The following JSRP1 variants were observed in gnomAD, a reference collection of about 807,000 sequenced individuals.
JSRP1 encodes 2310032K21Rik.
A neutral mutation model predicts 21.4 loss-of-function variants in JSRP1; 29 were observed. The observed-to-expected ratio is 1.36, with a 90% confidence interval of 1.01 to 1.85. The LOEUF is 1.85. JSRP1 is among the 40% of genes most tolerant of loss of function. The pLI, the probability that JSRP1 is intolerant of heterozygous loss-of-function variation, is 0.00. For synonymous variants in JSRP1, 221 were observed against 206.1 expected (o/e 1.07, Z -0.62); for missense variants, 531 against 461.5 (o/e 1.15, Z -1.38).
intron 1 of JSRP1, 85 bp from the exon 2 acceptor site, chr19:2,255,429 A>G: frequency 5.2e-6 from 3 of 577,748 alleles, no homozygotes; most frequent in Non-Finnish European, 9.0e-6. Context: ...GCGGACACCA[A>G]CTAACAGGCC....
At position 2,255,308 on chromosome 19, in the gene JSRP1, T is replaced by G. The variant is rs774783105; in HGVS notation, c.7A>C (p.Met3Leu). 2 of 1,607,512 alleles carry G rather than the reference T, an allele frequency of 1.2e-6. No homozygotes were observed. Among genetic ancestry groups the G allele is most frequent in the Admixed American group, 1.7e-5 (1 of 59,604 alleles). ...AGCTCCTCCCAGGCTCTGGTTGTCA[T>G]GGACATGGCTGGAGCAGCAGCAGGT... MS[M>L]TTRAWEELDG... The change falls in exon 2 of 7, where the codon ATG (methionine) becomes CTG (leucine). Residue 3 changes from methionine to leucine, a missense_variant. Coordinates refer to ENST00000300961, the MANE Select transcript of JSRP1 (RefSeq NM_144616.4).
intron 3 of JSRP1, 55 bp from the exon 4 acceptor site, chr19:2,254,356 G>A (rs1366656710): frequency 8.1e-6 from 13 of 1,598,638 alleles, no homozygotes; most frequent in Non-Finnish European, 1.1e-5. Context: ...AACCCTTCCC[G>A]TGGGCTTTAG....
rs1400873651 is a variant in JSRP1, at chr19:2,252,921, C to G, written c.519G>C (p.Ser173=). The G allele has an allele frequency of 1.2e-6, 2 of 1,609,296 alleles. No homozygotes were observed. Among genetic ancestry groups the G allele is most frequent in the Non-Finnish European group, 1.7e-6 (2 of 1,178,108 alleles). Residue 173 remains serine, a synonymous_variant, in exon 6 of 7, where the codon TCG becomes TCC. Transcript: ENST00000300961. ...GGAAGGAAGCTCTTACCAGGGGCGA[C>G]GATGGCTCCCTCGGGGCTGAGCTTG... ...VPPSSAPREP[S]SPLPKFEAQA...
chr19:2,254,345 A>G, intron 3 of JSRP1, 44 bp from the exon 4 acceptor site: 1 of 1,599,434 alleles, frequency 6.3e-7, no homozygotes, highest in East Asian at 2.2e-5. Flanking sequence ...TTCCAGTGCC[A>G]AACCCTTCCC....
In JSRP1 at chr19:2,252,363, C is replaced by T. The variant is rs766149705; in HGVS notation, c.962G>A (p.Arg321His). Reference sequence around the variant, plus strand: ...CCCCTTGCCTGCGCGGAGCTTCTGGCGACTCCCAGGCCGCTGCTCCTCGTC... The same window carrying T: ...CCCCTTGCCTGCGCGGAGCTTCTGGTGACTCCCAGGCCGCTGCTCCTCGTC... The part of the protein sequence containing the change: ...RPDEEQRPGS[R>H]QKLRAGKGRD Residue 321 changes from arginine to histidine, a missense_variant, in exon 7 of 7, where the codon CGC becomes CAC. Coordinates refer to ENST00000300961, the MANE Select transcript of JSRP1 (RefSeq NM_144616.4). 2.6e-6 allele frequency: 4 copies of T among 1,554,170 alleles called. No homozygotes were observed. Among genetic ancestry groups the T allele is most frequent in the Admixed American group, 3.8e-5 (2 of 51,992 alleles).
intron 5 of JSRP1, 84 bp from the exon 6 acceptor site, chr19:2,253,087 C>G (rs1476687736): frequency 2.6e-5 from 25 of 956,830 alleles, no homozygotes; most frequent in Non-Finnish European, 1.6e-6. Context: ...CTAGAGCCCC[C>G]CTCCCTGGAC....
chr19:2,253,723 CG>C lies in JSRP1; in HGVS notation c.332del (p.Pro111ArgfsTer3). On this transcript the variant is annotated frameshift_variant, in exon 5 of 7. Transcript: ENST00000300961. LOFTEE classifies it high-confidence loss of function. ...APPLQPPPPP[P>X]ALSEELPWGD... Reference sequence around the variant, plus strand: ...CCCAGGGCAGCTCCTCGCTCAGGGCCGGGGGCGGCGGCGGCGGCTGCAGGGG... The same window carrying C: ...CCCAGGGCAGCTCCTCGCTCAGGGCCGGGGCGGCGGCGGCGGCTGCAGGGG... 15 of 1,491,250 alleles carry C rather than the reference CG, an allele frequency of 1.0e-5. No individual in the cohort carries two copies. The highest frequency in any genetic ancestry group is 6.8e-5 in the Admixed American group (3 of 44,426). The allele number at this position is 1,491,250 out of a possible 1,614,324, so 92.4% of individuals were successfully genotyped here. A position where few individuals can be genotyped will look rare whatever the true frequency, so the allele number is the denominator to read the frequency against.
chr19:2,255,076 T>A, intron 2 of JSRP1, 130 bp downstream of exon 2: 3 of 540,518 alleles, frequency 5.6e-6, no homozygotes, highest in Non-Finnish European at 9.7e-6. Context: ...GGCCAGGGGT[T>A]GAACATGGGG....
At position 2,253,693 on chromosome 19, in the gene JSRP1, G is replaced by A. The variant is rs1417371004; in HGVS notation, c.363C>T (p.Asp121=). 1 of 1,510,862 alleles carries A rather than the reference G, an allele frequency of 6.6e-7. No individual in the cohort carries two copies. Among genetic ancestry groups the A allele is most frequent in the South Asian group, 1.2e-5 (1 of 81,380 alleles). The allele number at this position is 1,510,862 out of a possible 1,614,324, so 93.6% of individuals were successfully genotyped here. A position where few individuals can be genotyped will look rare whatever the true frequency, so the allele number is the denominator to read the frequency against. The change falls in exon 5 of 7, where the codon GAC becomes GAT. Residue 121 remains aspartate, a synonymous_variant. Coordinates refer to ENST00000300961, the MANE Select transcript of JSRP1 (RefSeq NM_144616.4). ...PALSEELPWG[D]LSLNKCLVLA... Reference sequence around the variant, plus strand: ...GCACCAGGCACTTGTTGAGCGACAGGTCTCCCCAGGGCAGCTCCTCGCTCA... The same window carrying A: ...GCACCAGGCACTTGTTGAGCGACAGATCTCCCCAGGGCAGCTCCTCGCTCA...
chr19:2,253,834 T>C, intron 4 of JSRP1, 41 bp from the exon 5 acceptor site: 1 of 1,355,088 alleles, frequency 7.4e-7, no homozygotes, highest in Non-Finnish European at 9.4e-7. Flanking sequence ...TCACTGGCTC[T>C]GTGCCGCCCC....
At chr19:2,252,820 G>A (rs2025080789) in intron 6 of JSRP1, 24 bp from the exon 7 acceptor site, 2 of 1,601,780 alleles carry the variant, frequency 1.2e-6, no homozygotes, top group Non-Finnish European at 1.7e-6. Context: ...TGGGGTCCTG[G>A]GGTAAGCGCC....
At position 2,255,256 on chromosome 19, in the gene JSRP1, G is replaced by T; in HGVS notation, c.59C>A (p.Ala20Asp). 1 of 1,611,362 alleles carries T rather than the reference G, an allele frequency of 6.2e-7. No individual in the cohort carries two copies. Among genetic ancestry groups the T allele is most frequent in the Non-Finnish European group, 8.5e-7 (1 of 1,178,992 alleles). The part of the protein sequence containing the change: ...ELDGGLGSCQ[A>D]LEDHSALAET... ...GGCCAGCGCAGAGTGGTCCTCCAGG[G>T]CCTGGCAGCTGCCCAGGCCGCCATC... Residue 20 changes from alanine to aspartate, a missense_variant, in exon 2 of 7, where the codon GCC becomes GAC. Ala to Asp is a moderately radical substitution (Grantham distance 126, BLOSUM62 -2). Transcript: ENST00000300961.
rs773647250 is a variant in JSRP1, at chr19:2,252,307, T to A, written c.*22A>T. ...TCGCGGGGCGTCCAGAAGGGGCCCCTGGACTCCGGCGCGGGGCCGGCTCAG... is the reference window on the plus strand; with the variant it reads ...TCGCGGGGCGTCCAGAAGGGGCCCCAGGACTCCGGCGCGGGGCCGGCTCAG... On this transcript the variant is annotated 3_prime_UTR_variant, in exon 7 of 7. Transcript: ENST00000300961. 2.1e-6 allele frequency: 3 copies of A among 1,444,286 alleles called. No individual in the cohort carries two copies. Among genetic ancestry groups the A allele is most frequent in the Non-Finnish European group, 2.7e-6 (3 of 1,103,744 alleles). 89.5% of individuals were successfully genotyped at this position (1,444,286 alleles called of 1,614,324 possible). A position where few individuals can be genotyped will look rare whatever the true frequency, so the allele number is the denominator to read the frequency against.
At chr19:2,256,144 AG>A (rs2025143800) in intron 1 of JSRP1, among the ~76,000 whole-genome samples, 1 of 152,152 alleles carries the variant, frequency 6.6e-6, no homozygotes, top group Non-Finnish European at 1.5e-5. Context: ...CCCTGTATCT[AG>A]GCTGAAAAAC....
chr19:2,256,038 A>G (rs906313227), intron 1 of JSRP1, among the ~76,000 whole-genome samples: 1 of 152,242 alleles, frequency 6.6e-6, no homozygotes, highest in Non-Finnish European at 1.5e-5. Flanking sequence ...GGCTAGAGAC[A>G]GTGCCATTGG....
In JSRP1 at chr19:2,253,010, C is replaced by G; in HGVS notation, c.437-7G>C. Reference sequence around the variant, plus strand: ...GCCTCCCCAGGGACGGCGTCTGCAGCGACAGGGTCGGGACCCGAGTCAGCT... The same window carrying G: ...GCCTCCCCAGGGACGGCGTCTGCAGGGACAGGGTCGGGACCCGAGTCAGCT... On this transcript the variant is annotated splice_region_variant and splice_polypyrimidine_tract_variant and intron_variant, in intron 5 of 6. Coordinates refer to ENST00000300961, the MANE Select transcript of JSRP1 (RefSeq NM_144616.4). 2 of 1,591,072 alleles carry G rather than the reference C, an allele frequency of 1.3e-6. No homozygotes were observed. The highest frequency in any genetic ancestry group is 1.7e-6 in the Non-Finnish European group (2 of 1,168,394).
chr19:2,254,520 C>A (rs1394952366), intron 2 of JSRP1, 38 bp from the exon 3 acceptor site: 1 of 1,610,556 alleles, frequency 6.2e-7, no homozygotes, highest in African/African-American at 1.3e-5. Context: ...TGTGGGGACC[C>A]CCAGGCCAAT....
At position 2,252,406 on chromosome 19, in the gene JSRP1, C is replaced by T; in HGVS notation, c.919G>A (p.Val307Met). 6.2e-7 allele frequency: 1 copy of T among 1,606,032 alleles called. No homozygotes were observed. Among genetic ancestry groups the T allele is most frequent in the South Asian group, 1.1e-5 (1 of 90,538 alleles). Residue 307 changes from valine to methionine, a missense_variant, in exon 7 of 7, where the codon GTG becomes ATG. Val to Met is a conservative substitution (Grantham distance 21). Coordinates refer to ENST00000300961, the MANE Select transcript of JSRP1 (RefSeq NM_144616.4). ...DAEPRKKQAW[V>M]SPRRPDEEQR... The stretch of plus-strand genomic sequence containing the variant: ...TCCTCGTCGGGACGCCTCGGGGACA[C>T]CCAGGCCTGCTTCTTCCTGGGCTCG...
Position 2,252,565 on chromosome 19 carries a change from C to CCTCCTTCCGCGGCTT in JSRP1, c.745_759dup (p.Lys249_Glu253dup), listed in dbSNP as rs750106963. ...CGCGGCCTCTCTTTCTTAGGTCTCT[C>CCTCCTTCCGCGGCTT]CTCCTTCCGCGGCTTCTCCTTCCGC... On this transcript the variant is annotated inframe_insertion, in exon 7 of 7. Transcript: ENST00000300961. The CCTCCTTCCGCGGCTT allele has an allele frequency of 4.3e-6, 7 of 1,612,776 alleles. No homozygotes were observed. The African/African-American group carries it at 6.7e-5, about 15-fold the overall frequency.
Sources: allele counts gnomAD v4.1 joint callset (sites outside exome capture counted in the v4.1 genomes callset), GRCh38; gene constraint gnomAD v4.1.1; transcripts MANE v1.5; gene names NCBI Gene and HGNC (gene_info 2026-07-23, HGNC 2026-07-21).